GCH1: variants seen among roughly 807,000 people sequenced by gnomAD.
GCH1 encodes GTP cyclohydrolase I.
GCH1 carries 5 observed loss-of-function variants against 25.9 expected under a neutral mutation model. The ratio of observed to expected loss-of-function variants is 0.19; its 90% CI spans 0.10 to 0.41. GCH1 has a LOEUF of 0.41. Ranked by LOEUF, GCH1 falls within the 10% of genes least tolerant of loss-of-function variation. The probability of loss-of-function intolerance (pLI) is 1.00; values close to 1 mark genes in which losing one functional copy is unlikely to be tolerated. For missense variants in GCH1, 261 were observed against 336.5 expected (o/e 0.78, Z 1.75); for synonymous variants, 159 against 129.6 (o/e 1.23, Z -1.54).
At chr14:54,900,633 T>G (rs1459938084) in intron 1 of GCH1, among the ~76,000 whole-genome samples, 2 of 152,226 alleles carry the variant, frequency 1.3e-5, no homozygotes, top group African/African-American at 4.8e-5. Flanking sequence ...TGAGTCACTT[T>G]AGATAATTCT....
intron 1 of GCH1, among the ~76,000 whole-genome samples, chr14:54,898,139 G>A (rs1595026549): frequency 6.6e-6 from 1 of 152,128 alleles, no homozygotes; most frequent in Non-Finnish European, 1.5e-5. Flanking sequence ...CAGCACTTTG[G>A]GAGACCAAGA....
intron 1 of GCH1, among the ~76,000 whole-genome samples, chr14:54,884,641 G>T (rs1211371417): frequency 2.6e-5 from 4 of 151,740 alleles, no homozygotes; most frequent in Non-Finnish European, 5.9e-5. Flanking sequence ...GTAGTGGCGG[G>T]TGCCTGAAAT....
At chr14:54,869,670 G>A (rs1452848104) in intron 1 of GCH1, among the ~76,000 whole-genome samples, 2 of 151,884 alleles carry the variant, frequency 1.3e-5, no homozygotes, top group African/African-American at 2.4e-5. Context: ...AGTAGGGATC[G>A]GGTTTCTCCA....
chr14:54,849,433 T>C (rs2039692052), intron 3 of GCH1, among the ~76,000 whole-genome samples: 1 of 152,240 alleles, frequency 6.6e-6, no homozygotes, highest in Non-Finnish European at 1.5e-5. Context: ...CACTGATATC[T>C]ATCTTGCCCT....
At chr14:54,883,025 G>A (rs1252762864) in intron 1 of GCH1, among the ~76,000 whole-genome samples, 2 of 152,136 alleles carry the variant, frequency 1.3e-5, no homozygotes, top group Non-Finnish European at 2.9e-5. Flanking sequence ...TCTGGTGACT[G>A]GCTGGGGTGG....
In GCH1 at chr14:54,858,445, C is replaced by T. The variant is rs113647494; in HGVS notation, c.509+1236G>A. On this transcript the variant is annotated intron_variant, in intron 3 of 5. Transcript: ENST00000491895. ...GGATTACAGGTGTGCGCCACCACGCCCAGCTAATCTTTGTATTTTTAGTAG... is the reference window on the plus strand; with the variant it reads ...GGATTACAGGTGTGCGCCACCACGCTCAGCTAATCTTTGTATTTTTAGTAG... Among the ~76,000 whole-genome samples the T allele has an allele frequency of 3.4e-3, 524 of 152,140 alleles. 4 individuals are homozygous for T. Among genetic ancestry groups the T allele is most frequent in the Middle Eastern group, 0.017 (5 of 294 alleles).
At chr14:54,891,735 C>T (rs117030556) in intron 1 of GCH1, among the ~76,000 whole-genome samples, 2,348 of 152,192 alleles carry the variant, frequency 0.015, 33 homozygotes, top group South Asian at 0.048. Context: ...TTAAAATGCA[C>T]GCTATTCTGA....
At chr14:54,865,459 G>C (rs1213379399) in intron 1 of GCH1, 23 bp from the exon 2 acceptor site, 2 of 1,110,308 alleles carry the variant, frequency 1.8e-6, no homozygotes, top group African/African-American at 3.1e-5. Flanking sequence ...GCTTGCTTTA[G>C]TAACATGTCC....
chr14:54,897,966 A>C (rs924204387), intron 1 of GCH1, among the ~76,000 whole-genome samples: 2 of 152,340 alleles, frequency 1.3e-5, no homozygotes, highest in East Asian at 3.9e-4. Flanking sequence ...CCTAGATGAG[A>C]TAGCCTATTA....
chr14:54,861,549 C>T (rs1045862782), intron 2 of GCH1, among the ~76,000 whole-genome samples: 2 of 151,654 alleles, frequency 1.3e-5, no homozygotes, highest in African/African-American at 2.4e-5. Flanking sequence ...ATGGTGAGAC[C>T]CCATCTCTAC....
chr14:54,861,056 G>C (rs1199274043), intron 2 of GCH1, among the ~76,000 whole-genome samples: 1 of 152,164 alleles, frequency 6.6e-6, no homozygotes, highest in African/African-American at 2.4e-5. Flanking sequence ...AGAGTAAATG[G>C]TCACTTGTAG....
chr14:54,852,527 T>G (rs1409310141), intron 3 of GCH1, among the ~76,000 whole-genome samples: 1 of 152,132 alleles, frequency 6.6e-6, no homozygotes, highest in Non-Finnish European at 1.5e-5. Flanking sequence ...AACGTGTGCA[T>G]CTTTGGGATG....
At chr14:54,871,780 G>C (rs1463282564) in intron 1 of GCH1, among the ~76,000 whole-genome samples, 3 of 152,324 alleles carry the variant, frequency 2.0e-5, no homozygotes, top group Admixed American at 6.5e-5. Context: ...AATGAAGCAA[G>C]AAGAGAAGTT....
At chr14:54,869,618 T>A (rs1228740304) in intron 1 of GCH1, among the ~76,000 whole-genome samples, 1 of 152,130 alleles carries the variant, frequency 6.6e-6, no homozygotes, top group African/African-American at 2.4e-5. Context: ...GTAGCTGGGA[T>A]TATAGACACA....
At chr14:54,899,828 C>T (rs2040537941) in intron 1 of GCH1, among the ~76,000 whole-genome samples, 1 of 152,022 alleles carries the variant, frequency 6.6e-6, no homozygotes, top group South Asian at 2.1e-4. Flanking sequence ...TCGCCAGTCC[C>T]TGACAACTAC....
intron 1 of GCH1, 45 bp downstream of exon 1, chr14:54,902,276 C>G: frequency 1.3e-6 from 2 of 1,595,048 alleles, no homozygotes; most frequent in Non-Finnish European, 1.7e-6. Flanking sequence ...CTGCAAGCAC[C>G]GCCCCCGCCG....
intron 3 of GCH1, among the ~76,000 whole-genome samples, chr14:54,855,183 A>G (rs1286091490): frequency 6.6e-6 from 1 of 152,194 alleles, no homozygotes; most frequent in East Asian, 1.9e-4. Flanking sequence ...AAGATGTCCA[A>G]AGAACTTCAA....
At chr14:54,855,622 T>C (rs1257018585) in intron 3 of GCH1, among the ~76,000 whole-genome samples, 1 of 151,520 alleles carries the variant, frequency 6.6e-6, no homozygotes. Flanking sequence ...GAGGCCAGCT[T>C]GGCCAACATG....
At chr14:54,899,463 C>G (rs1023068928) in intron 1 of GCH1, among the ~76,000 whole-genome samples, 1 of 151,948 alleles carries the variant, frequency 6.6e-6, no homozygotes, top group Non-Finnish European at 1.5e-5. Flanking sequence ...GTCTCAAAAA[C>G]ATGAAAATAA....
Sources: gnomAD v4.1 joint callset for allele counts (sites outside exome capture counted in the v4.1 genomes callset) on GRCh38, gnomAD v4.1.1 for gene constraint, MANE v1.5 for transcripts, NCBI Gene and HGNC (gene_info 2026-07-23, HGNC 2026-07-21) for gene names.